SBF1: variants seen among roughly 807,000 people sequenced by gnomAD.
SBF1 encodes SET binding factor 1.
A neutral mutation model predicts 215.8 loss-of-function variants in SBF1; 65 were observed. That is an observed-to-expected ratio of 0.30 (90% CI 0.25 to 0.37). The LOEUF (loss-of-function observed/expected upper bound fraction) is 0.37, where lower values mean the gene tolerates loss of function less well. Among genes scored for constraint, SBF1 ranks in the 10% least tolerant of loss-of-function variants. SBF1 has a pLI of 1.00. For missense variants in SBF1, 2,634 were observed against 2,667.8 expected (o/e 0.99, Z 0.28); for synonymous variants, 1,410 against 1,122.8 (o/e 1.26, Z -5.11).
Position 50,456,347 on chromosome 22 carries a change from C to T in SBF1, c.4135G>A (p.Val1379Ile), listed in dbSNP as rs1393019248. The change falls in exon 31 of 41, where the codon GTA becomes ATA. Residue 1379 changes from valine (V) to isoleucine (I), a missense_variant. Transcript: ENST00000380817. ...GCCTTCACCTGCCGTGCCTCGAATA[C>T]CTCAATGGGCACCAGCTCCCACTGC... ...LQQWELVPIE[V>I]FEARQVKASF... 6 of 1,613,226 alleles carry T rather than the reference C, an allele frequency of 3.7e-6. No homozygotes were observed. Among genetic ancestry groups the T allele is most frequent in the Non-Finnish European group, 5.1e-6 (6 of 1,180,010 alleles).
At position 50,467,343 on chromosome 22, in the gene SBF1, A is replaced by G; in HGVS notation, c.544T>C (p.Ser182Pro). ...LTCTVPLAGGSQRTISLGAGD... is the reference protein window; with the variant it reads ...LTCTVPLAGGPQRTISLGAGD... ...CAGCTGCCTCCAAAACTCACCTGCG[A>G]GCCCCCAGCCAGGGGCACAGTGCAC... The change falls in exon 5 of 41, where the codon TCG becomes CCG. Residue 182 changes from serine to proline, a missense_variant. Physicochemically the swap from Ser to Pro is moderately conservative, Grantham distance 74. Coordinates refer to ENST00000380817, the MANE Select transcript of SBF1 (RefSeq NM_002972.4). 6.2e-7 allele frequency: 1 copy of G among 1,613,522 alleles called. No individual in the cohort carries two copies. Among genetic ancestry groups the G allele is most frequent in the Non-Finnish European group, 8.5e-7 (1 of 1,179,510 alleles).
chr22:50,450,341 C>A (rs891994916), intron 36 of SBF1, among the ~76,000 whole-genome samples: 8 of 151,916 alleles, frequency 5.3e-5, no homozygotes, highest in Non-Finnish European at 1.0e-4. Flanking sequence ...GTAAACATGG[C>A]AAAACCCTGT....
At position 50,459,928 on chromosome 22, in the gene SBF1, G is replaced by C. The variant is rs777956888; in HGVS notation, c.3491+24C>G. On this transcript the variant is annotated intron_variant, in intron 26 of 40. Transcript: ENST00000380817. ...ACACCCAGTCACGTGTCCACCACCCGGGCCAGCCCTGGCCGGCCCTCACCT... is the reference window on the plus strand; with the variant it reads ...ACACCCAGTCACGTGTCCACCACCCCGGCCAGCCCTGGCCGGCCCTCACCT... 5 of 1,611,654 alleles carry C rather than the reference G, an allele frequency of 3.1e-6. No homozygotes were observed. The African/African-American group carries it at 6.7e-5, about 22-fold the overall frequency.
chr22:50,469,092 A>T (rs925865005), intron 1 of SBF1, among the ~76,000 whole-genome samples: 1 of 152,076 alleles, frequency 6.6e-6, no homozygotes, highest in African/African-American at 2.4e-5. Context: ...AGCCAGCAGG[A>T]CCTAGAGGGG....
At chr22:50,459,861 A>G in intron 26 of SBF1, 91 bp downstream of exon 26, 6 of 1,478,178 alleles carry the variant, frequency 4.1e-6, no homozygotes, top group Admixed American at 1.7e-5. Context: ...CATTCCTTAC[A>G]TGACCAGAAG....
intron 5 of SBF1, 111 bp from the exon 6 acceptor site, chr22:50,466,821 G>A (rs1024438236): frequency 9.8e-6 from 7 of 717,762 alleles, no homozygotes; most frequent in Admixed American, 6.5e-5. Context: ...ACCCGAGGTG[G>A]GACTGGCTGG....
In SBF1 at chr22:50,447,194, G is replaced by T; in HGVS notation, c.5630C>A (p.Pro1877His). Residue 1877 changes from proline (P) to histidine (H), a missense_variant, in exon 41 of 41, where the codon CCC becomes CAC. Pro to His is a moderately conservative substitution (Grantham distance 77). Coordinates refer to ENST00000380817, the MANE Select transcript of SBF1 (RefSeq NM_002972.4). ...CCGGTCCACCCACTGCTGGGCCGAG[G>T]GCACGTCCTGGGCACAGAAGTTGTA... Reference protein sequence around the residue: ...RVYNFCAQDVPSAQQWVDRIQ... With the variant: ...RVYNFCAQDVHSAQQWVDRIQ... 1 of 1,613,736 alleles carries T rather than the reference G, an allele frequency of 6.2e-7. No homozygotes were observed. The highest frequency in any genetic ancestry group is 8.5e-7 in the Non-Finnish European group (1 of 1,179,986).
intron 16 of SBF1, 118 bp from the exon 17 acceptor site, chr22:50,463,056 G>GC: frequency 8.4e-7 from 1 of 1,184,350 alleles, no homozygotes; most frequent in Non-Finnish European, 1.2e-6. Flanking sequence ...CTTGGCTCCA[G>GC]CTCCCCAAGG....
chr22:50,455,214 GCC>G lies in SBF1; in HGVS notation c.4554+8_4554+9del. 6.2e-7 allele frequency: 1 copy of G among 1,612,062 alleles called. No homozygotes were observed. Among genetic ancestry groups the G allele is most frequent in the Non-Finnish European group, 8.5e-7 (1 of 1,178,774 alleles). On this transcript the variant is annotated splice_region_variant and intron_variant, in intron 33 of 40. Transcript: ENST00000380817. ...ACAGTCCCGGCCCACCCACACAGCG[GCC>G]TGCCCACCTGGTGTACGCAGTCCAG... is the stretch of plus-strand genomic sequence containing the variant.
At chr22:50,457,952 ACG>A (rs1429968590) in intron 28 of SBF1, among the ~76,000 whole-genome samples, 24 of 152,202 alleles carry the variant, frequency 1.6e-4, no homozygotes, top group African/African-American at 5.8e-4. Flanking sequence ...CACAGTGAGG[ACG>A]CAGCACCAGC....
chr22:50,467,985 C>T (rs2067847633), intron 2 of SBF1, 62 bp from the exon 3 acceptor site: 11 of 1,584,592 alleles, frequency 6.9e-6, no homozygotes, highest in South Asian at 6.9e-5. Flanking sequence ...CCAGCCCACC[C>T]GCCCCAGCAT....
intron 31 of SBF1, chr22:50,455,988 G>A (rs954410240): frequency 2.6e-5 from 15 of 577,922 alleles, no homozygotes; most frequent in Admixed American, 9.6e-5. Context: ...AGGCTGCTCC[G>A]ACATACCCAT....
chr22:50,462,469 A>G lies in SBF1; in HGVS notation c.2132T>C (p.Val711Ala), dbSNP rs1167017979. The change falls in exon 19 of 41, where the codon GTT becomes GCT. Residue 711 changes from valine to alanine, a missense_variant. Coordinates refer to ENST00000380817, the MANE Select transcript of SBF1 (RefSeq NM_002972.4). ...PTEDLAPAQEVGEAPSQEDER... is the reference protein window; with the variant it reads ...PTEDLAPAQEAGEAPSQEDER... ...GTCCTCCTGGGAAGGTGCCTCCCCA[A>G]CCTCCTGCCACGGCACCACACGCAT... The G allele has an allele frequency of 5.0e-6, 8 of 1,611,900 alleles. No individual in the cohort carries two copies. The highest frequency in any genetic ancestry group is 5.1e-6 in the Non-Finnish European group (6 of 1,179,532).
rs769014885 is a variant in SBF1 at position 50,455,421 on chromosome 22, G to A, written c.4369-12C>T. On this transcript the variant is annotated splice_polypyrimidine_tract_variant and intron_variant, in intron 32 of 40. Coordinates refer to ENST00000380817, the MANE Select transcript of SBF1 (RefSeq NM_002972.4). ...ACCAAGGATACCACCTGCCAGCACC[G>A]CCAGGAGGTCAGCGAGGAGCCCGGG... The A allele has an allele frequency of 7.4e-6, 12 of 1,611,916 alleles. No homozygotes were observed. Among genetic ancestry groups the A allele is most frequent in the Admixed American group, 5.0e-5 (3 of 59,942 alleles).
intron 29 of SBF1, 55 bp from the exon 30 acceptor site, chr22:50,456,728 G>GTGAAGGAGATGCCAGGTAA: frequency 7.1e-7 from 1 of 1,402,134 alleles, no homozygotes; most frequent in Non-Finnish European, 9.4e-7. Flanking sequence ...CCACTTACCT[G>GTGAAGGAGATGCCAGGTAA]GGGCTGGCTG....
chr22:50,474,883 G>A lies in SBF1; in HGVS notation c.-43C>T, dbSNP rs919391274. On this transcript the variant is annotated 5_prime_UTR_variant, in exon 1 of 41. Transcript: ENST00000380817. ...GGCCCGAGGGGCGCGGGCGGGCTCC[G>A]CGGCTCGGGGACTCGAGGACGGCGC... 1.3e-5 allele frequency: 17 copies of A among 1,317,182 alleles called. No homozygotes were observed. The African/African-American group carries it at 2.5e-4, about 20-fold the overall frequency. 81.6% of individuals were successfully genotyped at this position (1,317,182 alleles called of 1,614,324 possible).
chr22:50,471,153 G>A (rs759118586), intron 1 of SBF1, among the ~76,000 whole-genome samples: 9 of 152,172 alleles, frequency 5.9e-5, no homozygotes, highest in South Asian at 2.1e-4. Context: ...GAATCCAAAC[G>A]GTGTGCTGGG....
Position 50,446,983 on chromosome 22 carries a change from C to A in SBF1, c.*159G>T. ...CCAAAATAAGTTAGGGCCGGCCGGG[C>A]GGGGCGGGGCGGGGACGGGGGCTGT... is the stretch of plus-strand genomic sequence containing the variant. On this transcript the variant is annotated 3_prime_UTR_variant, in exon 41 of 41. Coordinates refer to ENST00000380817, the MANE Select transcript of SBF1 (RefSeq NM_002972.4). 1.4e-6 allele frequency: 1 copy of A among 712,736 alleles called. No homozygotes were observed. The highest frequency in any genetic ancestry group is 1.6e-5 in the South Asian group (1 of 62,640). The allele number at this position is 712,736 out of a possible 1,614,324, so 44.2% of individuals were successfully genotyped here. A position where few individuals can be genotyped will look rare whatever the true frequency, so the allele number is the denominator to read the frequency against.
intron 1 of SBF1, among the ~76,000 whole-genome samples, chr22:50,470,610 C>A (rs1009754978): frequency 6.6e-6 from 1 of 152,158 alleles, no homozygotes; most frequent in Non-Finnish European, 1.5e-5. Flanking sequence ...AACTCTGCCC[C>A]AGCCTGGGGC....
Sources: allele counts gnomAD v4.1 joint callset (sites outside exome capture counted in the v4.1 genomes callset), GRCh38; gene constraint gnomAD v4.1.1; transcripts MANE v1.5; gene names NCBI Gene and HGNC (gene_info 2026-07-23, HGNC 2026-07-21).